IL16: variants seen among roughly 807,000 people sequenced by gnomAD.
The protein encoded by IL16 is interleukin 16, also known as pro-interleukin-16.
IL16 carries 67 observed loss-of-function variants against 110.1 expected under a neutral mutation model. The ratio of observed to expected loss-of-function variants is 0.61; its 90% CI spans 0.50 to 0.75. The LOEUF is 0.75. Ranked by LOEUF, IL16 falls within the 30% of genes least tolerant of loss-of-function variation. The probability of loss-of-function intolerance (pLI) is 0.00; values close to 1 mark genes in which losing one functional copy is unlikely to be tolerated. For synonymous variants in IL16, 689 were observed against 662.9 expected (o/e 1.04, Z -0.61); for missense variants, 1,545 against 1,655.0 (o/e 0.93, Z 1.15).
intron 2 of IL16, among the ~76,000 whole-genome samples, chr15:81,227,133 C>T (rs1008716721): frequency 2.0e-4 from 31 of 152,088 alleles, no homozygotes; most frequent in Non-Finnish European, 4.0e-4. Context: ...CATCATGTCT[C>T]TGGGGATGCT....
At chr15:81,296,593 G>A (rs1267451664) in intron 12 of IL16, among the ~76,000 whole-genome samples, 1 of 152,154 alleles carries the variant, frequency 6.6e-6, no homozygotes, top group Non-Finnish European at 1.5e-5. Context: ...TAGTTCACCA[G>A]ATGCAGTTGT....
chr15:81,204,755 A>T (rs1895949782), intron 1 of IL16, among the ~76,000 whole-genome samples: 1 of 128,516 alleles, frequency 7.8e-6, no homozygotes, highest in Admixed American at 7.7e-5. Context: ...AAATTAAAAA[A>T]AAAAAAGAAA....
chr15:81,245,499 A>C (rs1215979790), intron 2 of IL16, among the ~76,000 whole-genome samples: 1 of 152,042 alleles, frequency 6.6e-6, no homozygotes, highest in Non-Finnish European at 1.5e-5. Context: ...TGGCAGGATG[A>C]AAGTCCCATC....
At chr15:81,230,800 C>A (rs1390689825) in intron 2 of IL16, among the ~76,000 whole-genome samples, 1 of 152,118 alleles carries the variant, frequency 6.6e-6, no homozygotes, top group Non-Finnish European at 1.5e-5. Context: ...TAGAAATCAG[C>A]AAATGAGCTC....
At chr15:81,225,749 T>C (rs1896769218) in intron 2 of IL16, 38 bp downstream of exon 2, 2 of 1,493,618 alleles carry the variant, frequency 1.3e-6, no homozygotes, top group Non-Finnish European at 9.1e-7. Flanking sequence ...TAGCCTGCAG[T>C]TGGTTTCTGG....
intron 1 of IL16, among the ~76,000 whole-genome samples, chr15:81,216,165 G>T (rs1386289800): frequency 6.6e-6 from 1 of 152,226 alleles, no homozygotes; most frequent in Non-Finnish European, 1.5e-5. Context: ...ACCATCTGTG[G>T]CTGCTCTCTG....
chr15:81,240,154 C>G (rs1034014445), intron 2 of IL16, among the ~76,000 whole-genome samples: 2 of 152,056 alleles, frequency 1.3e-5, no homozygotes, highest in Non-Finnish European at 2.9e-5. Flanking sequence ...TCCAGGAATT[C>G]ATTCATATTA....
chr15:81,270,423 T>C (rs1037628036), intron 5 of IL16, among the ~76,000 whole-genome samples: 9 of 152,196 alleles, frequency 5.9e-5, no homozygotes, highest in Admixed American at 6.5e-5. Context: ...TTGCTACTTA[T>C]GGTCTGTCCA....
At chr15:81,278,551 G>A (rs1306066008) in intron 6 of IL16, among the ~76,000 whole-genome samples, 2 of 152,224 alleles carry the variant, frequency 1.3e-5, no homozygotes, top group African/African-American at 4.8e-5. Context: ...AAGCAAAGAG[G>A]TGGGCAAGGA....
At chr15:81,290,000 T>C (rs773875770) in intron 10 of IL16, 104 of 402,460 alleles carry the variant, frequency 2.6e-4, no homozygotes, top group Non-Finnish European at 4.5e-4. Flanking sequence ...CCTTTTTGAC[T>C]CTAGGACTCA....
chr15:81,188,483 G>C (rs1182585708), intron 1 of IL16: 4 of 453,938 alleles, frequency 8.8e-6, no homozygotes, highest in Non-Finnish European at 1.8e-5. Flanking sequence ...TTACAGATGA[G>C]GAAGCTGATG....
At chr15:81,199,420 C>A (rs955075212) in intron 1 of IL16, among the ~76,000 whole-genome samples, 2 of 152,114 alleles carry the variant, frequency 1.3e-5, no homozygotes. Flanking sequence ...AGGGCGGAGC[C>A]CATCAGGAGG....
In IL16 at chr15:81,292,866, G is replaced by T; in HGVS notation, c.1731G>T (p.Pro577=). ...PPLPESRDSH[P]PLRLKKSFEI... ...TCCCAGAGAGCCGGGACAGCCACCC[G>T]CCGCTGAGACTGAAGAAATCCTTTG... The change falls in exon 12 of 19, where the codon CCG becomes CCT. Residue 577 remains proline (P), a synonymous_variant. Coordinates refer to ENST00000683961, the MANE Select transcript of IL16 (RefSeq NM_172217.5). The T allele has an allele frequency of 6.2e-7, 1 of 1,614,110 alleles. No homozygotes were observed. Among genetic ancestry groups the T allele is most frequent in the Non-Finnish European group, 8.5e-7 (1 of 1,179,982 alleles).
rs78808672 is a variant in IL16, at chr15:81,206,175, G to A, written c.-102+9023G>A. On this transcript the variant is annotated intron_variant, in intron 1 of 18. Transcript: ENST00000683961. ...TATATATGCAGTCATGTGTTGCATGGCAATGAAGATAAGTTCTGAGAAATT... is the reference window on the plus strand; with the variant it reads ...TATATATGCAGTCATGTGTTGCATGACAATGAAGATAAGTTCTGAGAAATT... Among the ~76,000 whole-genome samples, 110 of 152,242 alleles carry A rather than the reference G, an allele frequency of 7.2e-4. 1 individual carries two copies. The East Asian group carries it at 0.019, about 26-fold the overall frequency.
chr15:81,265,953 T>TA, intron 4 of IL16, 152 bp downstream of exon 4: 2 of 723,350 alleles, frequency 2.8e-6, no homozygotes, highest in Non-Finnish European at 4.4e-6. Context: ...TGCAAGAAGG[T>TA]ACAACCATCT....
intron 2 of IL16, among the ~76,000 whole-genome samples, chr15:81,241,713 C>T (rs1448872123): frequency 1.3e-5 from 2 of 151,994 alleles, no homozygotes; most frequent in African/African-American, 4.8e-5. Context: ...AATCCAGTTT[C>T]CCCCAATGGT....
chr15:81,228,415 G>C (rs1457658393), intron 2 of IL16, among the ~76,000 whole-genome samples: 1 of 151,690 alleles, frequency 6.6e-6, no homozygotes, highest in Non-Finnish European at 1.5e-5. Context: ...CTGCCTCCTG[G>C]GTTCAAGTGA....
At chr15:81,194,452 G>A (rs1159654067), upstream of IL16, among the ~76,000 whole-genome samples, 1 of 150,802 alleles carries the variant, frequency 6.6e-6, no homozygotes, top group East Asian at 1.9e-4. Context: ...ATTTAAATTT[G>A]TAATTGTAAT....
At chr15:81,185,666 T>C (rs778484468) in intron 1 of IL16, among the ~76,000 whole-genome samples, 5 of 152,184 alleles carry the variant, frequency 3.3e-5, no homozygotes, top group Non-Finnish European at 5.9e-5. Flanking sequence ...GGGGATCTAA[T>C]GGGACACATT....
Sources: allele counts gnomAD v4.1 joint callset (sites outside exome capture counted in the v4.1 genomes callset), GRCh38; gene constraint gnomAD v4.1.1; transcripts MANE v1.5; gene names NCBI Gene and HGNC (gene_info 2026-07-23, HGNC 2026-07-21).